The following MEF2C variants were observed in gnomAD, a reference collection of about 807,000 sequenced individuals.
The protein encoded by MEF2C is myocyte enhancer factor 2C.
A neutral mutation model predicts 50.5 loss-of-function variants in MEF2C; 6 were observed. The observed-to-expected ratio is 0.12, with a 90% confidence interval of 0.07 to 0.23. The LOEUF (loss-of-function observed/expected upper bound fraction) is 0.23. Ranked by LOEUF, MEF2C falls within the 10% of genes least tolerant of loss-of-function variation. MEF2C has a pLI of 1.00. For missense variants in MEF2C, 276 were observed against 605.0 expected (o/e 0.46, Z 5.70); for synonymous variants, 183 against 228.0 (o/e 0.80, Z 1.78).
At chr5:88,848,955 A>T (rs1820291642) in intron 1 of MEF2C, among the ~76,000 whole-genome samples, 1 of 151,998 alleles carries the variant, frequency 6.6e-6, no homozygotes, top group African/African-American at 2.4e-5. Context: ...GTTCGAGACC[A>T]GCCTGACCAA....
At chr5:88,896,905 T>C (rs760886177) in intron 1 of MEF2C, among the ~76,000 whole-genome samples, 6 of 151,790 alleles carry the variant, frequency 4.0e-5, no homozygotes, top group Non-Finnish European at 5.9e-5. Context: ...CATTTTCAAG[T>C]TGTAAATTCT....
intron 10 of MEF2C, among the ~76,000 whole-genome samples, chr5:88,725,823 G>A (rs1011218322): frequency 3.3e-5 from 5 of 152,096 alleles, no homozygotes; most frequent in Admixed American, 2.0e-4. Flanking sequence ...CTCTCAGTAT[G>A]TACTGAACAC....
intron 1 of MEF2C, among the ~76,000 whole-genome samples, chr5:88,898,702 A>T (rs1432823535): frequency 4.6e-5 from 7 of 152,272 alleles, no homozygotes; most frequent in South Asian, 2.1e-4. Flanking sequence ...AAGATTTTTT[A>T]AAAAATACAT....
rs75357120 is a variant in MEF2C, at chr5:88,866,940, G to C, written c.-143+16015C>G. ...ATAAATTACTATGATTCTTGCAAATGAAGGTTAAAAATTAAAACAGCTCAA... is the reference window on the plus strand; with the variant it reads ...ATAAATTACTATGATTCTTGCAAATCAAGGTTAAAAATTAAAACAGCTCAA... On this transcript the variant is annotated intron_variant, in intron 1 of 10. Transcript: ENST00000504921. Among the ~76,000 whole-genome samples the C allele has an allele frequency of 2.8e-3, 423 of 152,292 alleles. 11 individuals carry two copies. In the East Asian group the frequency reaches 0.058, roughly 21 times the overall value.
chr5:88,817,089 T>C (rs1805804609), intron 2 of MEF2C, among the ~76,000 whole-genome samples: 1 of 152,040 alleles, frequency 6.6e-6, no homozygotes, highest in African/African-American at 2.4e-5. Flanking sequence ...CTCCAACTTA[T>C]GGTTTGGAAT....
At chr5:88,871,265 T>A (rs1829423245) in intron 1 of MEF2C, among the ~76,000 whole-genome samples, 2 of 152,018 alleles carry the variant, frequency 1.3e-5, no homozygotes, top group Non-Finnish European at 2.9e-5. Flanking sequence ...AAAGGGCTAC[T>A]AAGTAGGGGG....
chr5:88,843,356 A>T, intron 1 of MEF2C: 1 of 985,294 alleles, frequency 1.0e-6, no homozygotes, highest in Non-Finnish European at 1.2e-6. Context: ...TTCCCCCCAA[A>T]AAAAACCCTC....
At chr5:88,750,768 T>C (rs919833299) in intron 5 of MEF2C, among the ~76,000 whole-genome samples, 1 of 152,218 alleles carries the variant, frequency 6.6e-6, no homozygotes, top group Non-Finnish European at 1.5e-5. Context: ...TTTGGATGAA[T>C]TTAACTGTAT....
At chr5:88,737,908 C>G in intron 6 of MEF2C, 1 of 985,136 alleles carries the variant, frequency 1.0e-6, no homozygotes, top group Non-Finnish European at 1.2e-6. Context: ...TAGTTGTTAG[C>G]TTTATTAAAT....
intron 1 of MEF2C, among the ~76,000 whole-genome samples, chr5:88,902,253 G>A (rs1285439902): frequency 6.6e-6 from 1 of 151,564 alleles, no homozygotes; most frequent in Non-Finnish European, 1.5e-5. Flanking sequence ...TTACTCAGGT[G>A]TCTGAATCAA....
intron 3 of MEF2C, among the ~76,000 whole-genome samples, chr5:88,775,207 A>T (rs892804814): frequency 2.6e-5 from 4 of 152,196 alleles, no homozygotes; most frequent in Non-Finnish European, 5.9e-5. Flanking sequence ...CCTCTGCTCA[A>T]CTTTCCACTG....
rs147280825 is a variant in MEF2C at position 88,857,967 on chromosome 5, T to G, written c.-143+24988A>C. On this transcript the variant is annotated intron_variant, in intron 1 of 10. Transcript: ENST00000504921. ...CGCAGAGAAAAATCTCAAAGCATGA[T>G]TTTAAAAACAATGAAATTTATAAAA... Among the ~76,000 whole-genome samples the G allele has an allele frequency of 4.6e-5, 7 of 152,350 alleles. No individual in the cohort carries two copies. In the East Asian group the frequency reaches 1.2e-3, roughly 25 times the overall value.
At position 88,806,265 on chromosome 5, in the gene MEF2C, C is replaced by T. The variant is rs185120574; in HGVS notation, c.55-1464G>A. On this transcript the variant is annotated intron_variant, in intron 2 of 10. Transcript: ENST00000504921. ...CCAACCCACCTTGCAGAGAGGCCAG[C>T]TCATTTTATCACAGATTTGTGTGTA... Among the ~76,000 whole-genome samples the T allele has an allele frequency of 2.1e-3, 321 of 152,238 alleles. 1 individual carries two copies. Among genetic ancestry groups the T allele is most frequent in the African/African-American group, 7.5e-3 (311 of 41,548 alleles).
chr5:88,859,708 C>T (rs193091518), intron 1 of MEF2C, among the ~76,000 whole-genome samples: 1 of 152,280 alleles, frequency 6.6e-6, no homozygotes, highest in Admixed American at 6.5e-5. Context: ...GCTCAACGAG[C>T]AAAAACTCTT....
intron 3 of MEF2C, among the ~76,000 whole-genome samples, chr5:88,773,292 CAT>C (rs564995149): frequency 1.2e-3 from 179 of 152,036 alleles, no homozygotes; most frequent in African/African-American, 4.3e-3. Flanking sequence ...TCTAAAAACA[CAT>C]AGAGGGCACT....
intron 3 of MEF2C, among the ~76,000 whole-genome samples, chr5:88,780,306 C>T (rs952316438): frequency 3.9e-5 from 6 of 152,040 alleles, no homozygotes; most frequent in African/African-American, 1.4e-4. Context: ...TTTCGGTAGC[C>T]AGACTCCAGG....
At chr5:88,883,232 C>A (rs1261846534), upstream of MEF2C, 1 of 128,890 alleles carries the variant, frequency 7.8e-6, no homozygotes, top group Non-Finnish European at 1.6e-5. Context: ...TGTGTGCGCG[C>A]GCGCGAGGGG....
chr5:88,846,170 C>T (rs963410012), intron 1 of MEF2C, among the ~76,000 whole-genome samples: 1 of 151,354 alleles, frequency 6.6e-6, no homozygotes, highest in South Asian at 2.1e-4. Flanking sequence ...CGGGTTCATG[C>T]GATTCTCCTT....
intron 1 of MEF2C, among the ~76,000 whole-genome samples, chr5:88,848,638 C>G (rs912534872): frequency 3.3e-5 from 5 of 152,038 alleles, no homozygotes; most frequent in African/African-American, 9.7e-5. Flanking sequence ...TAAAAATGGG[C>G]ACACTGATGA....
Sources: gnomAD v4.1 joint callset for allele counts (sites outside exome capture counted in the v4.1 genomes callset) on GRCh38, gnomAD v4.1.1 for gene constraint, MANE v1.5 for transcripts, NCBI Gene and HGNC (gene_info 2026-07-23, HGNC 2026-07-21) for gene names.